Variants in BBX observed in about 807,000 individuals in gnomAD.
The protein encoded by BBX is HMG box transcription factor BBX.
Under a neutral mutation model 100.2 loss-of-function variants are expected in BBX, and 30 were observed. The ratio of observed to expected loss-of-function variants is 0.30; its 90% CI spans 0.22 to 0.41. BBX has a LOEUF of 0.41. BBX is among the 10% of genes least tolerant of loss of function. BBX has a pLI of 1.00. For synonymous variants in BBX, 376 were observed against 388.1 expected, an observed-to-expected ratio of 0.97 and a Z score of 0.37; for missense variants, 1,023 against 1,129.8, an observed-to-expected ratio of 0.91 and a Z score of 1.35.
At chr3:107,727,947 G>A (rs892648871) in intron 5 of BBX, among the ~76,000 whole-genome samples, 1 of 152,094 alleles carries the variant, frequency 6.6e-6, no homozygotes, top group Non-Finnish European at 1.5e-5. Flanking sequence ...AATATGTAAC[G>A]AATAGCAATA....
At chr3:107,667,379 A>G (rs898905126) in intron 3 of BBX, among the ~76,000 whole-genome samples, 3 of 152,160 alleles carry the variant, frequency 2.0e-5, no homozygotes, top group African/African-American at 7.2e-5. Context: ...AAAGTGCTTC[A>G]TAAAACCTAC....
chr3:107,542,633 T>C (rs946034707), intron 2 of BBX, among the ~76,000 whole-genome samples: 2 of 152,238 alleles, frequency 1.3e-5, no homozygotes, highest in African/African-American at 4.8e-5. Context: ...CCCTCTTTTA[T>C]ACCATGCAAC....
intron 10 of BBX, among the ~76,000 whole-genome samples, chr3:107,757,057 C>T (rs1316008509): frequency 1.3e-5 from 2 of 151,870 alleles, no homozygotes; most frequent in African/African-American, 4.8e-5. Context: ...GATGTATGAC[C>T]CTCTGCTTGT....
intron 2 of BBX, among the ~76,000 whole-genome samples, chr3:107,594,145 T>A (rs896613048): frequency 5.3e-5 from 8 of 152,182 alleles, no homozygotes; most frequent in African/African-American, 1.9e-4. Flanking sequence ...TATTTTTCTT[T>A]TTAGTATTCT....
intron 7 of BBX, among the ~76,000 whole-genome samples, 176 bp from the exon 8 acceptor site, chr3:107,744,454 A>G (rs1260233819): frequency 1.3e-5 from 2 of 152,204 alleles, no homozygotes; most frequent in Non-Finnish European, 2.9e-5. Context: ...AAGTGGGTCA[A>G]TGTTAGCATT....
intron 2 of BBX, among the ~76,000 whole-genome samples, chr3:107,614,417 AC>A (rs950811091): frequency 6.0e-5 from 9 of 150,206 alleles, no homozygotes; most frequent in African/African-American, 1.5e-4. Context: ...AGAAAGCTTC[AC>A]CCCCACCCCC....
chr3:107,524,060 G>C (rs2107263574), intron 1 of BBX: 1 of 153,190 alleles, frequency 6.5e-6, no homozygotes, highest in African/African-American at 2.4e-5. Context: ...AAGAGGAGGA[G>C]GGAGGCTGTG....
chr3:107,576,422 ATGT>A (rs1317559699), intron 2 of BBX, among the ~76,000 whole-genome samples: 1 of 152,098 alleles, frequency 6.6e-6, no homozygotes, highest in Non-Finnish European at 1.5e-5. Context: ...GCTGGAGAAG[ATGT>A]TGTCTGAAAA....
intron 2 of BBX, among the ~76,000 whole-genome samples, chr3:107,643,061 A>G (rs1317775579): frequency 6.6e-6 from 1 of 152,180 alleles, no homozygotes; most frequent in South Asian, 2.1e-4. Flanking sequence ...TGCAAAACAC[A>G]GTTTTGGCAT....
intron 3 of BBX, among the ~76,000 whole-genome samples, chr3:107,683,770 C>G (rs1214510521): frequency 6.6e-6 from 1 of 152,154 alleles, no homozygotes; most frequent in East Asian, 1.9e-4. Flanking sequence ...ACTTTATGGT[C>G]CAAGTGCTGT....
chr3:107,638,191 A>G (rs993720556), intron 2 of BBX, among the ~76,000 whole-genome samples: 5 of 151,756 alleles, frequency 3.3e-5, no homozygotes, highest in Non-Finnish European at 7.4e-5. Flanking sequence ...AGCTGAGACT[A>G]TAGGTGTACA....
intron 2 of BBX, among the ~76,000 whole-genome samples, chr3:107,557,338 A>T (rs1261545547): frequency 6.6e-6 from 1 of 152,232 alleles, no homozygotes; most frequent in Non-Finnish European, 1.5e-5. Context: ...ATAGCTGTGC[A>T]AAATGATTAG....
intron 3 of BBX, among the ~76,000 whole-genome samples, chr3:107,694,884 G>T (rs1450762024): frequency 6.6e-6 from 1 of 151,586 alleles, no homozygotes; most frequent in East Asian, 1.9e-4. Flanking sequence ...CCTGTTATTG[G>T]TCTATTCAGA....
intron 2 of BBX, among the ~76,000 whole-genome samples, chr3:107,594,042 T>C (rs1055983632): frequency 6.6e-6 from 1 of 152,196 alleles, no homozygotes; most frequent in Non-Finnish European, 1.5e-5. Context: ...TGAAGGGAGA[T>C]TAAAATGATC....
chr3:107,655,904 G>A (rs1030829072), intron 3 of BBX, among the ~76,000 whole-genome samples: 1 of 151,946 alleles, frequency 6.6e-6, no homozygotes, highest in Non-Finnish European at 1.5e-5. Context: ...GTTTCACCGT[G>A]TTAGCCAGGA....
intron 1 of BBX, 124 bp from the exon 2 acceptor site, chr3:107,526,203 G>GGGTT (rs1450204200): frequency 2.5e-6 from 1 of 396,990 alleles, no homozygotes. Context: ...GAAAGGGGAG[G>GGGTT]GGTTAGTGGG....
At position 107,557,747 on chromosome 3, in the gene BBX, G is replaced by A. The variant is rs548823812; in HGVS notation, c.-84+31349G>A. On this transcript the variant is annotated intron_variant, in intron 2 of 17. Coordinates refer to ENST00000325805, the MANE Select transcript of BBX (RefSeq NM_001142568.3). ...GATATTAAAGCTCTATTTCAGTAGG[G>A]ACCAAGTTTTAGTTATTGTATGTAG... Among the ~76,000 whole-genome samples the A allele has an allele frequency of 5.3e-4, 81 of 152,270 alleles. 1 individual carries two copies. The highest frequency in any genetic ancestry group is 4.4e-4 in the Non-Finnish European group (30 of 68,016).
chr3:107,786,608 T>G (rs1208855131), intron 13 of BBX, among the ~76,000 whole-genome samples: 1 of 152,126 alleles, frequency 6.6e-6, no homozygotes, highest in East Asian at 1.9e-4. Flanking sequence ...TCAAATGAAG[T>G]TGGACACTTA....
intron 3 of BBX, among the ~76,000 whole-genome samples, chr3:107,676,541 T>C (rs890843891): frequency 2.6e-5 from 4 of 152,182 alleles, no homozygotes; most frequent in Non-Finnish European, 5.9e-5. Flanking sequence ...CAGTAATTAC[T>C]GTCCTGATAT....
Sources: gnomAD v4.1 joint callset for allele counts (sites outside exome capture counted in the v4.1 genomes callset) on GRCh38, gnomAD v4.1.1 for gene constraint, MANE v1.5 for transcripts, NCBI Gene and HGNC (gene_info 2026-07-23, HGNC 2026-07-21) for gene names.